Variants in CNTN4 observed in about 807,000 individuals in gnomAD.
CNTN4 encodes the protein contactin-4.
CNTN4 carries 77 observed loss-of-function variants against 122.5 expected under a neutral mutation model. The observed-to-expected ratio is 0.63, with a 90% CI of 0.52 to 0.76. CNTN4 has a LOEUF of 0.76. Among genes scored for constraint, CNTN4 ranks in the 30% least tolerant of loss-of-function variants. The pLI is 0.00. For missense variants in CNTN4, 1,256 were observed against 1,259.1 expected, an observed-to-expected ratio of 1.00 and a Z score of 0.04; for synonymous variants, 512 against 447.0, an observed-to-expected ratio of 1.15 and a Z score of -1.83.
At chr3:3,054,651 A>G (rs1378177521) in intron 24 of CNTN4, among the ~76,000 whole-genome samples, 2 of 152,174 alleles carry the variant, frequency 1.3e-5, no homozygotes, top group African/African-American at 2.4e-5. Flanking sequence ...AAATAGCCAA[A>G]TCCGTGGAGA....
At chr3:2,468,825 A>G (rs932780986) in intron 3 of CNTN4, among the ~76,000 whole-genome samples, 2 of 152,176 alleles carry the variant, frequency 1.3e-5, no homozygotes, top group Non-Finnish European at 2.9e-5. Flanking sequence ...AAGTAAGGAA[A>G]AATGGGGGAA....
intron 13 of CNTN4, among the ~76,000 whole-genome samples, chr3:2,942,772 A>C (rs1198027427): frequency 6.6e-6 from 1 of 152,204 alleles, no homozygotes; most frequent in Non-Finnish European, 1.5e-5. Context: ...TGTATTGCAG[A>C]CTGTCTCAGA....
rs540522494 is a variant in CNTN4 at position 2,796,044 on chromosome 3, C to T, written c.359-23442C>T. Among the ~76,000 whole-genome samples, 3 of 152,162 alleles carry T rather than the reference C, an allele frequency of 2.0e-5. No homozygotes were observed. The South Asian group carries it at 6.2e-4, about 32-fold the overall frequency. On this transcript the variant is annotated intron_variant, in intron 6 of 24. Coordinates refer to ENST00000418658, the MANE Select transcript of CNTN4 (RefSeq NM_175607.3). ...AGAAAAGAACAGGATTTTTTATTCT[C>T]ACAGAGAATTGTTGATTGGGACTTT...
chr3:2,104,696 G>A (rs1574830310), intron 2 of CNTN4, among the ~76,000 whole-genome samples: 1 of 152,312 alleles, frequency 6.6e-6, no homozygotes, highest in Non-Finnish European at 1.5e-5. Context: ...ATCCTTTGCT[G>A]CAAGGGAAGC....
chr3:2,122,142 G>C (rs113939994), intron 2 of CNTN4, among the ~76,000 whole-genome samples: 5 of 147,436 alleles, frequency 3.4e-5, no homozygotes, highest in African/African-American at 1.3e-4. Flanking sequence ...GCGACAGAGC[G>C]ACACTCCATC....
At chr3:2,639,843 A>G (rs13088710) in intron 4 of CNTN4, among the ~76,000 whole-genome samples, 65,522 of 152,066 alleles carry the variant, frequency 0.43, 14,356 homozygotes, top group East Asian at 0.71. Context: ...AAATGATTGA[A>G]TGCTTGACTG....
At chr3:2,352,704 C>T (rs1001038119) in intron 3 of CNTN4, among the ~76,000 whole-genome samples, 43 of 152,192 alleles carry the variant, frequency 2.8e-4, no homozygotes, top group Non-Finnish European at 4.7e-4. Context: ...GGAGCCTCTC[C>T]GACAGGTGCC....
At chr3:2,784,107 C>G (rs1486527100) in intron 6 of CNTN4, among the ~76,000 whole-genome samples, 2 of 152,114 alleles carry the variant, frequency 1.3e-5, no homozygotes, top group African/African-American at 4.8e-5. Context: ...TACATATAGA[C>G]ATTTAGAAAA....
At chr3:2,951,745 T>C (rs2094747886) in intron 13 of CNTN4, among the ~76,000 whole-genome samples, 2 of 152,168 alleles carry the variant, frequency 1.3e-5, no homozygotes, top group African/African-American at 2.4e-5. Context: ...TCACTGGTGA[T>C]ATTTTCATTG....
At chr3:2,583,756 C>A (rs2149587269) in intron 4 of CNTN4, among the ~76,000 whole-genome samples, 1 of 152,064 alleles carries the variant, frequency 6.6e-6, no homozygotes, top group South Asian at 2.1e-4. Context: ...TTGTTAAACA[C>A]CTATATTATT....
intron 2 of CNTN4, among the ~76,000 whole-genome samples, chr3:2,167,137 T>C (rs1478270631): frequency 6.6e-6 from 1 of 152,218 alleles, no homozygotes; most frequent in East Asian, 1.9e-4. Context: ...AAAACATTTT[T>C]GCATTAGCTT....
intron 3 of CNTN4, among the ~76,000 whole-genome samples, chr3:2,502,169 G>A (rs1340116534): frequency 6.6e-6 from 1 of 152,014 alleles, no homozygotes; most frequent in Non-Finnish European, 1.5e-5. Context: ...CATAGATTCT[G>A]GGGATTAGGA....
chr3:2,120,388 T>TATATATATAA (rs2033669085), intron 2 of CNTN4, among the ~76,000 whole-genome samples: 1 of 28,092 alleles, frequency 3.6e-5, no homozygotes, highest in Admixed American at 6.1e-4. Context: ...TATATATATA[T>TATATATATAA]ATATATATAT....
At chr3:2,767,574 C>T (rs982481220) in intron 6 of CNTN4, among the ~76,000 whole-genome samples, 2 of 151,782 alleles carry the variant, frequency 1.3e-5, no homozygotes, top group African/African-American at 4.8e-5. Context: ...AGTTAGTTGC[C>T]CCATTGACAG....
chr3:2,340,723 A>AGAGAGAGAGAGGGG (rs2044176200), intron 3 of CNTN4, among the ~76,000 whole-genome samples: 1 of 138,082 alleles, frequency 7.2e-6, no homozygotes, highest in African/African-American at 2.6e-5. Context: ...AGAGAGAGAG[A>AGAGAGAGAGAGGGG]GAGAGAGAGA....
intron 4 of CNTN4, among the ~76,000 whole-genome samples, chr3:2,657,468 A>G (rs750502445): frequency 6.6e-6 from 1 of 152,192 alleles, no homozygotes; most frequent in Non-Finnish European, 1.5e-5. Flanking sequence ...GTCAGGGTAC[A>G]TTGAATTTAA....
At chr3:2,473,497 G>A (rs149205235) in intron 3 of CNTN4, among the ~76,000 whole-genome samples, 3 of 152,246 alleles carry the variant, frequency 2.0e-5, no homozygotes, top group Non-Finnish European at 4.4e-5. Flanking sequence ...ATTAAAATCA[G>A]ATAAAATTAA....
intron 13 of CNTN4, among the ~76,000 whole-genome samples, chr3:2,958,093 A>G (rs1338248278): frequency 6.6e-6 from 1 of 152,146 alleles, no homozygotes; most frequent in African/African-American, 2.4e-5. Context: ...GGATGTTTCC[A>G]CATATTGCAA....
intron 5 of CNTN4, among the ~76,000 whole-genome samples, chr3:2,738,252 T>C (rs1396839940): frequency 6.6e-6 from 1 of 152,098 alleles, no homozygotes; most frequent in Non-Finnish European, 1.5e-5. Context: ...GTAACCAAAC[T>C]TGTAATACAG....
Sources: allele counts gnomAD v4.1 joint callset (sites outside exome capture counted in the v4.1 genomes callset), GRCh38; gene constraint gnomAD v4.1.1; transcripts MANE v1.5; gene names NCBI Gene and HGNC (gene_info 2026-07-23, HGNC 2026-07-21).